Variants in AFG2A observed in about 807,000 individuals in gnomAD.
AFG2A encodes the protein ATPase family gene 2 protein homolog A.
At chr4:122,989,146 G>A in the AFG2A span, among the ~76,000 whole-genome samples, 29 of 151,968 alleles carry the variant, frequency 1.9e-4, no homozygotes, top group Middle Eastern at 3.4e-3. Context: ...TTGTTCCTTT[G>A]GTGTCCTGTT....
the AFG2A span, among the ~76,000 whole-genome samples, chr4:123,197,450 G>T: frequency 2.0e-5 from 3 of 152,140 alleles, no homozygotes; most frequent in African/African-American, 7.2e-5. Context: ...ATGCTCTCTA[G>T]TGTCACTCTA....
the AFG2A span, among the ~76,000 whole-genome samples, chr4:123,080,446 A>T: frequency 6.6e-6 from 1 of 152,252 alleles, no homozygotes; most frequent in African/African-American, 2.4e-5. Context: ...TACTGAATTT[A>T]TGTTATTTTG....
chr4:122,949,425 G>A, the AFG2A span, among the ~76,000 whole-genome samples: 3 of 152,156 alleles, frequency 2.0e-5, no homozygotes, highest in Non-Finnish European at 2.9e-5. Context: ...ACCAAGTATC[G>A]AAGTGGCCCC....
At chr4:123,028,147 C>T in the AFG2A span, 3 of 1,556,392 alleles carry the variant, frequency 1.9e-6, no homozygotes, top group South Asian at 1.2e-5. Context: ...TCTGTTTGTC[C>T]TGGCAAAACT....
chr4:123,283,442 A>G, the AFG2A span, among the ~76,000 whole-genome samples: 23 of 152,058 alleles, frequency 1.5e-4, no homozygotes, highest in African/African-American at 5.3e-4. Context: ...AATGTTTTCT[A>G]CCATTACCAT....
the AFG2A span, among the ~76,000 whole-genome samples, chr4:123,183,781 A>T: frequency 5.3e-5 from 8 of 152,076 alleles, no homozygotes. Context: ...TTTTTTTGAG[A>T]TAGGGTCTGG....
the AFG2A span, among the ~76,000 whole-genome samples, chr4:123,154,710 C>G: frequency 2.0e-5 from 3 of 152,038 alleles, no homozygotes; most frequent in Non-Finnish European, 4.4e-5. Flanking sequence ...GATATCAACT[C>G]TATAAGGAAG....
chr4:122,928,521 T>G, the AFG2A span, among the ~76,000 whole-genome samples: 1 of 152,192 alleles, frequency 6.6e-6, no homozygotes, highest in Non-Finnish European at 1.5e-5. Context: ...TTACTGTGTC[T>G]TTTAGAAGAG....
chr4:122,940,602 A>G, the AFG2A span, among the ~76,000 whole-genome samples: 124 of 152,244 alleles, frequency 8.1e-4, 1 homozygote, highest in African/African-American at 2.7e-3. Flanking sequence ...CTCTGATGGT[A>G]GTTTCTTTTG....
chr4:123,284,564 C>A, the AFG2A span, among the ~76,000 whole-genome samples: 1 of 152,162 alleles, frequency 6.6e-6, no homozygotes, highest in East Asian at 1.9e-4. Context: ...TAAGGTAAAG[C>A]AAATAAAATG....
At chr4:123,020,497 T>C in the AFG2A span, among the ~76,000 whole-genome samples, 1 of 151,682 alleles carries the variant, frequency 6.6e-6, no homozygotes, top group Non-Finnish European at 1.5e-5. Flanking sequence ...GCCTCCCGAG[T>C]AGCGGAGTTT....
chr4:123,081,512 C>T, the AFG2A span, among the ~76,000 whole-genome samples: 1 of 152,132 alleles, frequency 6.6e-6, no homozygotes, highest in Non-Finnish European at 1.5e-5. Context: ...TCTGGACCTA[C>T]CTCAGTTTAC....
chr4:122,944,811 T>G, the AFG2A span, among the ~76,000 whole-genome samples: 6,241 of 152,180 alleles, frequency 0.041, 415 homozygotes, highest in African/African-American at 0.14. Flanking sequence ...CAGGTGGGTT[T>G]TTGGTGTGGA....
chr4:123,241,404 T>C, the AFG2A span, among the ~76,000 whole-genome samples: 1 of 151,424 alleles, frequency 6.6e-6, no homozygotes, highest in African/African-American at 2.5e-5. Flanking sequence ...GCAAACCGAA[T>C]CCAGCAGCAC....
the AFG2A span, among the ~76,000 whole-genome samples, chr4:123,133,548 T>TA: frequency 0.036 from 5,550 of 152,114 alleles, 335 homozygotes; most frequent in African/African-American, 0.12. Flanking sequence ...TTTATATATA[T>TA]TTTTTGTTTG....
the AFG2A span, among the ~76,000 whole-genome samples, chr4:123,028,975 A>G: frequency 1.3e-5 from 2 of 152,224 alleles, no homozygotes; most frequent in Non-Finnish European, 2.9e-5. Flanking sequence ...ATTTTATGTA[A>G]CATTATGATA....
the AFG2A span, among the ~76,000 whole-genome samples, chr4:123,287,263 T>C: frequency 2.0e-5 from 3 of 152,212 alleles, no homozygotes; most frequent in African/African-American, 7.2e-5. Context: ...CTGTTTTTAT[T>C]TGGCTACTAG....
chr4:123,085,491 A>G, the AFG2A span, among the ~76,000 whole-genome samples: 3 of 152,080 alleles, frequency 2.0e-5, no homozygotes, highest in African/African-American at 7.2e-5. Context: ...CTTGAAGTCT[A>G]CTGTGTCTGG....
the AFG2A span, among the ~76,000 whole-genome samples, chr4:123,178,956 G>C: frequency 3.3e-5 from 5 of 152,130 alleles, no homozygotes; most frequent in African/African-American, 9.7e-5. Flanking sequence ...GTTATTGAAA[G>C]GTACTTGATC....
Sources: gnomAD v4.1 joint callset for allele counts (sites outside exome capture counted in the v4.1 genomes callset) on GRCh38, gnomAD v4.1.1 for gene constraint, MANE v1.5 for transcripts, NCBI Gene and HGNC (gene_info 2026-07-23, HGNC 2026-07-21) for gene names.